SLC38A1: variants seen among roughly 807,000 people sequenced by gnomAD.
The protein encoded by SLC38A1 is solute carrier family 38 member 1.
SLC38A1 carries 18 observed loss-of-function variants against 60.3 expected under a neutral mutation model. The ratio of observed to expected loss-of-function variants is 0.30; its 90% CI spans 0.21 to 0.44. The LOEUF (loss-of-function observed/expected upper bound fraction) is 0.44, where lower values mean the gene tolerates loss of function less well. Ranked by LOEUF, SLC38A1 falls within the 20% of genes least tolerant of loss-of-function variation. The pLI is 1.00. For missense variants in SLC38A1, 448 were observed against 587.2 expected (o/e 0.76, Z 2.45); for synonymous variants, 196 against 212.1 (o/e 0.92, Z 0.66).
At chr12:46,195,890 CT>C (rs767535008) in intron 16 of SLC38A1, 2 of 368,938 alleles carry the variant, frequency 5.4e-6, no homozygotes, top group Non-Finnish European at 1.0e-5. Context: ...GGTAAATCCC[CT>C]GACCCCTTGT....
At chr12:46,205,227 A>C (rs1939841392) in intron 9 of SLC38A1, among the ~76,000 whole-genome samples, 1 of 152,112 alleles carries the variant, frequency 6.6e-6, no homozygotes, top group Non-Finnish European at 1.5e-5. Context: ...GCTTTTCTCT[A>C]CTTAACTGAA....
chr12:46,195,701 T>A (rs1292280341), intron 16 of SLC38A1: 2 of 183,116 alleles, frequency 1.1e-5, no homozygotes, highest in African/African-American at 4.7e-5. Flanking sequence ...CGCAGGTCGA[T>A]CTTAGACTGT....
At chr12:46,247,370 G>A (rs112032608) in intron 1 of SLC38A1, among the ~76,000 whole-genome samples, 2,222 of 152,216 alleles carry the variant, frequency 0.015, 50 homozygotes, top group African/African-American at 0.05. Flanking sequence ...ACCATGGCAC[G>A]AGAACTATGT....
chr12:46,243,026 A>T (rs1160266174), intron 2 of SLC38A1, among the ~76,000 whole-genome samples, 174 bp downstream of exon 2: 2 of 151,920 alleles, frequency 1.3e-5, no homozygotes, highest in Non-Finnish European at 2.9e-5. Context: ...ATCATATTGT[A>T]AGCATTTTGA....
chr12:46,191,589 T>C (rs1399146666), intron 16 of SLC38A1, among the ~76,000 whole-genome samples: 2 of 152,220 alleles, frequency 1.3e-5, no homozygotes, highest in Non-Finnish European at 2.9e-5. Flanking sequence ...TCCATTTGTT[T>C]CTGTCCTCTT....
intron 3 of SLC38A1, among the ~76,000 whole-genome samples, chr12:46,231,488 G>A (rs1464756288): frequency 6.6e-6 from 1 of 152,182 alleles, no homozygotes; most frequent in African/African-American, 2.4e-5. Flanking sequence ...GCATATATTA[G>A]TAAGATATGT....
intron 1 of SLC38A1, among the ~76,000 whole-genome samples, chr12:46,256,740 G>C (rs1038548525): frequency 1.3e-5 from 2 of 151,918 alleles, no homozygotes; most frequent in East Asian, 3.9e-4. Flanking sequence ...CTGAGACCTG[G>C]CTGGCTGCAT....
At chr12:46,215,198 T>G (rs1358848839) in intron 5 of SLC38A1, among the ~76,000 whole-genome samples, 1 of 152,184 alleles carries the variant, frequency 6.6e-6, no homozygotes, top group African/African-American at 2.4e-5. Flanking sequence ...CACCACACTG[T>G]GCTGTGCATC....
intron 1 of SLC38A1, among the ~76,000 whole-genome samples, chr12:46,248,089 T>C (rs1941686114): frequency 1.3e-5 from 2 of 152,116 alleles, no homozygotes; most frequent in Admixed American, 6.5e-5. Context: ...ACATGCCAAA[T>C]TGTAAAGACC....
intron 1 of SLC38A1, among the ~76,000 whole-genome samples, chr12:46,254,328 T>C (rs1188958522): frequency 1.3e-5 from 2 of 152,212 alleles, no homozygotes; most frequent in African/African-American, 4.8e-5. Flanking sequence ...TAATAACAAG[T>C]GTAGCATAAT....
chr12:46,230,683 T>C (rs1941041120), intron 3 of SLC38A1, among the ~76,000 whole-genome samples: 1 of 152,222 alleles, frequency 6.6e-6, no homozygotes. Flanking sequence ...GAATTTAAAA[T>C]GCTTTCTTTA....
At chr12:46,266,594 C>T (rs976394083) in intron 1 of SLC38A1, among the ~76,000 whole-genome samples, 17 of 151,958 alleles carry the variant, frequency 1.1e-4, no homozygotes, top group African/African-American at 3.4e-4. Context: ...AGCATCCTCC[C>T]CCATCACATG....
intron 1 of SLC38A1, among the ~76,000 whole-genome samples, chr12:46,244,620 TG>T (rs1941553169): frequency 6.6e-6 from 1 of 152,202 alleles, no homozygotes; most frequent in South Asian, 2.1e-4. Context: ...TCAAGTGATG[TG>T]TTCCTCTAGC....
intron 9 of SLC38A1, among the ~76,000 whole-genome samples, chr12:46,205,495 T>C (rs1328512092): frequency 6.6e-6 from 1 of 152,220 alleles, no homozygotes; most frequent in Non-Finnish European, 1.5e-5. Context: ...TTATTCAATG[T>C]ATGAAATTCC....
intron 9 of SLC38A1, among the ~76,000 whole-genome samples, chr12:46,205,131 G>C (rs947504229): frequency 6.6e-6 from 1 of 152,012 alleles, no homozygotes; most frequent in Non-Finnish European, 1.5e-5. Flanking sequence ...AGAATGCCTG[G>C]GAGATCTCCA....
Position 46,198,699 on chromosome 12 carries a change from C to T in SLC38A1, c.1048G>A (p.Asp350Asn). The change falls in exon 14 of 17, where the codon GAC becomes AAC. Residue 350 changes from aspartate (D) to asparagine (N), a missense_variant. Asp to Asn is a conservative substitution (Grantham distance 23). Coordinates refer to ENST00000398637, the MANE Select transcript of SLC38A1 (RefSeq NM_030674.4). The stretch of plus-strand genomic sequence containing the variant: ...AGCCGCACTGTCAGGATGAGAATGT[C>T]ATCTTTACTCTGATATTTGTGAAGG... The part of the protein sequence containing the change: ...DLLHKYQSKD[D>N]ILILTVRLAV... 1 of 1,613,398 alleles carries T rather than the reference C, an allele frequency of 6.2e-7. No homozygotes were observed. The highest frequency in any genetic ancestry group is 8.5e-7 in the Non-Finnish European group (1 of 1,179,724).
intron 4 of SLC38A1, 54 bp from the exon 5 acceptor site, chr12:46,229,322 A>C: frequency 7.8e-7 from 1 of 1,279,576 alleles, no homozygotes; most frequent in Non-Finnish European, 1.1e-6. Flanking sequence ...AAGAAAGTTC[A>C]TCAAGCCAAA....
intron 1 of SLC38A1, among the ~76,000 whole-genome samples, chr12:46,247,317 A>G (rs1213357629): frequency 6.6e-6 from 1 of 152,204 alleles, no homozygotes; most frequent in African/African-American, 2.4e-5. Flanking sequence ...TAACTAAAAT[A>G]AACAGTGTAG....
chr12:46,192,541 G>A (rs2136869680), intron 16 of SLC38A1, among the ~76,000 whole-genome samples: 1 of 152,246 alleles, frequency 6.6e-6, no homozygotes, highest in South Asian at 2.1e-4. Flanking sequence ...GTAGAATTTG[G>A]CTCTGATTCC....
Sources: gnomAD v4.1 joint callset for allele counts (sites outside exome capture counted in the v4.1 genomes callset) on GRCh38, gnomAD v4.1.1 for gene constraint, MANE v1.5 for transcripts, NCBI Gene and HGNC (gene_info 2026-07-23, HGNC 2026-07-21) for gene names.